Variants in TRDN observed in about 807,000 individuals in gnomAD.
The protein encoded by TRDN is triadin in skeletal muscle.
TRDN carries 161 observed loss-of-function variants against 149.7 expected under a neutral mutation model. That is an observed-to-expected ratio of 1.08 (90% CI 0.95 to 1.23). TRDN has a LOEUF of 1.23. TRDN is among the 50% of genes most tolerant of loss of function. The probability of loss-of-function intolerance (pLI) is 0.00; values close to 1 mark genes in which losing one functional copy is unlikely to be tolerated. For synonymous variants in TRDN, 294 were observed against 250.5 expected, an observed-to-expected ratio of 1.17 and a Z score of -1.64; for missense variants, 896 against 823.5, an observed-to-expected ratio of 1.09 and a Z score of -1.08.
intron 38 of TRDN, among the ~76,000 whole-genome samples, chr6:123,245,490 G>A (rs1474588383): frequency 6.6e-5 from 10 of 152,118 alleles, no homozygotes; most frequent in Admixed American, 6.6e-4. Flanking sequence ...GATGAAAAGA[G>A]ACAAAGGAGG....
intron 35 of TRDN, among the ~76,000 whole-genome samples, chr6:123,256,126 T>G (rs1776550488): frequency 2.0e-5 from 3 of 152,070 alleles, no homozygotes; most frequent in Admixed American, 1.3e-4. Context: ...TGTGTGATGT[T>G]CCCATCCCTG....
chr6:123,456,602 G>C (rs1011775302), intron 10 of TRDN, among the ~76,000 whole-genome samples: 5 of 151,910 alleles, frequency 3.3e-5, no homozygotes, highest in African/African-American at 1.2e-4. Context: ...CTGAGTAGCT[G>C]GGACTACAGG....
At chr6:123,322,086 C>G (rs1032057345) in intron 23 of TRDN, among the ~76,000 whole-genome samples, 1 of 152,172 alleles carries the variant, frequency 6.6e-6, no homozygotes, top group African/African-American at 2.4e-5. Context: ...TTAGCCACAT[C>G]CATATGGTCT....
At chr6:123,240,517 T>TG in intron 38 of TRDN, among the ~76,000 whole-genome samples, 1 of 152,016 alleles carries the variant, frequency 6.6e-6, no homozygotes, top group Middle Eastern at 3.4e-3. Context: ...CAATGGATTT[T>TG]TTTTCACAAA....
chr6:123,530,048 A>C (rs997251852), intron 5 of TRDN, among the ~76,000 whole-genome samples: 1 of 151,934 alleles, frequency 6.6e-6, no homozygotes, highest in Non-Finnish European at 1.5e-5. Flanking sequence ...TGTGCAGGAG[A>C]GCCGTGGGGC....
chr6:123,329,439 C>T (rs987122922), intron 23 of TRDN, among the ~76,000 whole-genome samples: 4 of 151,966 alleles, frequency 2.6e-5, no homozygotes, highest in African/African-American at 4.8e-5. Flanking sequence ...AAGTTAATTC[C>T]TGTTACTAAA....
At position 123,274,687 on chromosome 6, in the gene TRDN, G is replaced by A; in HGVS notation, c.1568-17C>T. 1 of 1,603,112 alleles carries A rather than the reference G, an allele frequency of 6.2e-7. No individual in the cohort carries two copies. The highest frequency in any genetic ancestry group is 8.5e-7 in the Non-Finnish European group (1 of 1,174,356). ...TTTGGGGCTCTGAGGGAGAGAAAAG[G>A]CAGAAAATTTAAAACCTGAAAAAAT... On this transcript the variant is annotated splice_polypyrimidine_tract_variant and intron_variant, in intron 26 of 40. Coordinates refer to ENST00000334268, the MANE Select transcript of TRDN (RefSeq NM_006073.4).
intron 2 of TRDN, among the ~76,000 whole-genome samples, chr6:123,549,236 C>A (rs1334357164): frequency 1.3e-5 from 2 of 152,018 alleles, no homozygotes; most frequent in Non-Finnish European, 2.9e-5. Context: ...ATCTATAAGT[C>A]TTCCCTTTTC....
At chr6:123,435,680 T>A (rs1164180349) in intron 12 of TRDN, among the ~76,000 whole-genome samples, 1 of 152,030 alleles carries the variant, frequency 6.6e-6, no homozygotes, top group East Asian at 1.9e-4. Flanking sequence ...TAATCAAAAG[T>A]AAAAATGACA....
chr6:123,330,369 T>C (rs995807021), intron 23 of TRDN, among the ~76,000 whole-genome samples: 1 of 152,046 alleles, frequency 6.6e-6, no homozygotes, highest in African/African-American at 2.4e-5. Flanking sequence ...AAGTCCAGGA[T>C]ATTTTTCTTA....
intron 24 of TRDN, among the ~76,000 whole-genome samples, chr6:123,280,083 C>T (rs1777527393): frequency 1.3e-5 from 2 of 152,130 alleles, no homozygotes; most frequent in South Asian, 4.1e-4. Context: ...AGTTACAAGG[C>T]CTTAGTGCAG....
intron 2 of TRDN, among the ~76,000 whole-genome samples, chr6:123,549,791 A>T (rs1194362348): frequency 6.6e-6 from 1 of 152,046 alleles, no homozygotes; most frequent in Non-Finnish European, 1.5e-5. Flanking sequence ...GTGTGGTGAG[A>T]TGCAATCAGA....
At chr6:123,244,825 A>T (rs1319384793) in intron 38 of TRDN, among the ~76,000 whole-genome samples, 1 of 152,190 alleles carries the variant, frequency 6.6e-6, no homozygotes, top group South Asian at 2.1e-4. Context: ...GAAAGAAAAA[A>T]TGTTAAGGGC....
At chr6:123,336,416 A>C (rs1246765751) in intron 22 of TRDN, among the ~76,000 whole-genome samples, 1 of 152,016 alleles carries the variant, frequency 6.6e-6, no homozygotes. Context: ...GAGTAGATGC[A>C]CCACTTTTGG....
chr6:123,289,233 C>G (rs1247935292), intron 24 of TRDN, among the ~76,000 whole-genome samples: 1 of 150,814 alleles, frequency 6.6e-6, no homozygotes, highest in African/African-American at 2.4e-5. Flanking sequence ...TCATTTGCAA[C>G]ATCAGTGGAT....
intron 2 of TRDN, among the ~76,000 whole-genome samples, chr6:123,560,662 G>A (rs560433042): frequency 2.9e-4 from 44 of 152,180 alleles, no homozygotes; most frequent in African/African-American, 9.2e-4. Context: ...TCTATCCCTC[G>A]TGCAGATTTT....
chr6:123,535,847 A>C (rs1215865731), intron 4 of TRDN, among the ~76,000 whole-genome samples: 4 of 152,168 alleles, frequency 2.6e-5, no homozygotes, highest in Non-Finnish European at 4.4e-5. Context: ...TCTATAGTAT[A>C]CTAATATAAT....
Position 123,278,362 on chromosome 6 carries a change from G to T in TRDN, c.1538-15C>A. On this transcript the variant is annotated splice_polypyrimidine_tract_variant and intron_variant, in intron 25 of 40. Transcript: ENST00000334268. ...TCCTTGTAGTTCTAAAAATATAGAT[G>T]AACATTAGTAACAATGATTATAGAA... The T allele has an allele frequency of 1.6e-6, 2 of 1,264,894 alleles. No individual in the cohort carries two copies. Among genetic ancestry groups the T allele is most frequent in the South Asian group, 2.9e-5 (2 of 69,000 alleles). 78.4% of individuals were successfully genotyped at this position (1,264,894 alleles called of 1,614,324 possible).
chr6:123,472,398 AG>A (rs1196908850), intron 9 of TRDN, among the ~76,000 whole-genome samples: 1 of 152,214 alleles, frequency 6.6e-6, no homozygotes, highest in Non-Finnish European at 1.5e-5. Flanking sequence ...GCGCACCACA[AG>A]ATTATATCCC....
Sources: allele counts gnomAD v4.1 joint callset (sites outside exome capture counted in the v4.1 genomes callset), GRCh38; gene constraint gnomAD v4.1.1; transcripts MANE v1.5; gene names NCBI Gene and HGNC (gene_info 2026-07-23, HGNC 2026-07-21).